Variants in UBE2L3 observed in about 807,000 individuals in gnomAD.
The protein encoded by UBE2L3 is ubiquitin-conjugating enzyme E2 L3.
A neutral mutation model predicts 17.8 loss-of-function variants in UBE2L3; 1 was observed. That is an observed-to-expected ratio of 0.06 (90% CI 0.02 to 0.27). UBE2L3 has a LOEUF of 0.27. UBE2L3 is among the 10% of genes least tolerant of loss of function. The probability of loss-of-function intolerance (pLI) is 1.00; values close to 1 mark genes in which losing one functional copy is unlikely to be tolerated. For missense variants in UBE2L3, 40 were observed against 192.6 expected, an observed-to-expected ratio of 0.21 and a Z score of 4.69; for synonymous variants, 44 against 68.5, an observed-to-expected ratio of 0.64 and a Z score of 1.76.
chr22:21,583,189 A>G (rs1189532475), intron 1 of UBE2L3, among the ~76,000 whole-genome samples: 12 of 152,042 alleles, frequency 7.9e-5, no homozygotes, highest in Admixed American at 2.0e-4. Flanking sequence ...TTTCCCACAC[A>G]TGGACACCTG....
In UBE2L3 at chr22:21,612,643, C is replaced by CTTTTCTTTTTTTT. The variant is rs1929552765; in HGVS notation, c.310+1604_310+1605insCTTTTTTTTTTTT. Among the ~76,000 whole-genome samples, 20 of 52,498 alleles carry CTTTTCTTTTTTTT rather than the reference C, an allele frequency of 3.8e-4. 1 individual carries two copies. Among genetic ancestry groups the CTTTTCTTTTTTTT allele is most frequent in the Non-Finnish European group, 6.3e-4 (17 of 26,850 alleles). 34.4% of individuals were successfully genotyped at this position (52,498 alleles called of 152,430 possible). A position where few individuals can be genotyped will look rare whatever the true frequency, so the allele number is the denominator to read the frequency against. Reference sequence around the variant, plus strand: ...CCCAGCCGATTTTTTCTTTTCTTTTCTTTTTTTTTTTTTTTTTTTTTTTTT... The same window carrying CTTTTCTTTTTTTT: ...CCCAGCCGATTTTTTCTTTTCTTTTCTTTTCTTTTTTTTTTTTTTTTTTTTTTTTTTTTTTTTT... On this transcript the variant is annotated intron_variant, in intron 3 of 3. Transcript: ENST00000342192.
intron 2 of UBE2L3, among the ~76,000 whole-genome samples, chr22:21,609,051 C>T (rs772822481): frequency 1.3e-5 from 2 of 152,200 alleles, no homozygotes; most frequent in Non-Finnish European, 1.5e-5. Context: ...CCCACCACCA[C>T]GTCCAGCTAA....
intron 1 of UBE2L3, among the ~76,000 whole-genome samples, chr22:21,556,876 A>G (rs1390828686): frequency 6.6e-6 from 1 of 152,260 alleles, no homozygotes; most frequent in Non-Finnish European, 1.5e-5. Context: ...CAATATGGTG[A>G]AACCCTGTCT....
At position 21,614,508 on chromosome 22, in the gene UBE2L3, G is replaced by A. The variant is rs375476831; in HGVS notation, c.310+3465G>A. 6.6e-5 allele frequency: 81 copies of A among 1,229,372 alleles called. No homozygotes were observed. In the African/African-American group the frequency reaches 7.6e-4, roughly 11 times the overall value. 76.2% of individuals were successfully genotyped at this position (1,229,372 alleles called of 1,614,324 possible). A position where few individuals can be genotyped will look rare whatever the true frequency, so the allele number is the denominator to read the frequency against. On this transcript the variant is annotated intron_variant, in intron 3 of 3. Transcript: ENST00000342192. The stretch of plus-strand genomic sequence containing the variant: ...TGTAATCTTCCAGCGCTCTTCCTTT[G>A]TCTCCAGAGCACCTGCTCATGATTT...
chr22:21,584,692 A>G (rs1052508838), intron 1 of UBE2L3, among the ~76,000 whole-genome samples: 5 of 149,498 alleles, frequency 3.3e-5, no homozygotes, highest in Non-Finnish European at 5.9e-5. Context: ...TCGGCAACCC[A>G]AAGTGCTGGG....
At chr22:21,620,611 G>A (rs141971269) in intron 3 of UBE2L3, among the ~76,000 whole-genome samples, 7 of 152,234 alleles carry the variant, frequency 4.6e-5, no homozygotes, top group African/African-American at 7.2e-5. Flanking sequence ...CCTGGGGCAC[G>A]TCTGGGCTAC....
At chr22:21,592,281 C>G (rs1317831460) in intron 1 of UBE2L3, among the ~76,000 whole-genome samples, 1 of 152,182 alleles carries the variant, frequency 6.6e-6, no homozygotes, top group South Asian at 2.1e-4. Flanking sequence ...ACTCCCACCC[C>G]AGTCCCAGAC....
chr22:21,617,955 G>A (rs933180413), intron 3 of UBE2L3, among the ~76,000 whole-genome samples: 2 of 151,972 alleles, frequency 1.3e-5, no homozygotes, highest in Non-Finnish European at 2.9e-5. Context: ...GATGAGATGG[G>A]TGGATCATGA....
intron 1 of UBE2L3, among the ~76,000 whole-genome samples, chr22:21,590,669 G>A (rs1043244538): frequency 1.3e-5 from 2 of 151,986 alleles, no homozygotes; most frequent in Non-Finnish European, 2.9e-5. Flanking sequence ...TTTCCTATCT[G>A]TATTTGGTTT....
chr22:21,613,203 C>T (rs368379954), intron 3 of UBE2L3, among the ~76,000 whole-genome samples: 1 of 152,164 alleles, frequency 6.6e-6, no homozygotes, highest in Non-Finnish European at 1.5e-5. Context: ...GATGGATGCA[C>T]GTGCTTTGCC....
chr22:21,606,518 CT>C (rs1163288499), intron 2 of UBE2L3, among the ~76,000 whole-genome samples: 1 of 152,142 alleles, frequency 6.6e-6, no homozygotes, highest in African/African-American at 2.4e-5. Context: ...ATGATGTTTA[CT>C]TACTTCCCCC....
chr22:21,580,338 A>G (rs1406526167), intron 1 of UBE2L3, among the ~76,000 whole-genome samples: 1 of 152,240 alleles, frequency 6.6e-6, no homozygotes, highest in Non-Finnish European at 1.5e-5. Context: ...TATGAATTGT[A>G]AACAGTGCAG....
Position 21,621,911 on chromosome 22 carries a change from C to T in UBE2L3, c.*242C>T. The stretch of plus-strand genomic sequence containing the variant: ...TTGTTTTAAAAATCACTGCTTCAAT[C>T]TACTTCAAAAGAATGGTGTTTCTTT... On this transcript the variant is annotated 3_prime_UTR_variant, in exon 4 of 4. Coordinates refer to ENST00000342192, the MANE Select transcript of UBE2L3 (RefSeq NM_003347.4). 2.3e-6 allele frequency: 1 copy of T among 439,738 alleles called. No individual in the cohort carries two copies. Among genetic ancestry groups the T allele is most frequent in the Non-Finnish European group, 4.0e-6 (1 of 250,832 alleles). The allele number at this position is 439,738 out of a possible 1,614,324, so 27.2% of individuals were successfully genotyped here.
At chr22:21,567,667 C>G (rs751144736), upstream of UBE2L3, 251 of 1,549,800 alleles carry the variant, frequency 1.6e-4, no homozygotes, top group Non-Finnish European at 1.9e-4. Context: ...GCCCCTCCCC[C>G]GCTCCAGGAA....
At chr22:21,570,445 G>T (rs928342740) in intron 1 of UBE2L3, among the ~76,000 whole-genome samples, 4 of 152,164 alleles carry the variant, frequency 2.6e-5, no homozygotes, top group Admixed American at 1.3e-4. Context: ...TATAAATGAG[G>T]ACATTGTGAG....
chr22:21,581,789 T>C (rs1927651726), intron 1 of UBE2L3, among the ~76,000 whole-genome samples: 4 of 139,736 alleles, frequency 2.9e-5, no homozygotes. Context: ...GCAACAATAG[T>C]GTAACTGTCT....
Position 21,581,181 on chromosome 22 carries a change from A to G in UBE2L3, c.28-11680A>G, listed in dbSNP as rs1343080289. Among the ~76,000 whole-genome samples, 5 of 151,952 alleles carry G rather than the reference A, an allele frequency of 3.3e-5. No individual in the cohort carries two copies. In the East Asian group the frequency reaches 5.8e-4, roughly 18 times the overall value. ...ACAATTCTCCCACCTCAGCCCCCCA[A>G]GTAGCTGAAGACTATAGGTGAACAC... On this transcript the variant is annotated intron_variant, in intron 1 of 3. Transcript: ENST00000342192.
chr22:21,563,773 C>T (rs1460927210), upstream of UBE2L3, among the ~76,000 whole-genome samples: 1 of 151,258 alleles, frequency 6.6e-6, no homozygotes, highest in Non-Finnish European at 1.5e-5. Flanking sequence ...GACGGCATTT[C>T]ACTATGTTGG....
chr22:21,564,343 G>T (rs1378277706), upstream of UBE2L3, among the ~76,000 whole-genome samples: 2 of 152,158 alleles, frequency 1.3e-5, no homozygotes, highest in African/African-American at 4.8e-5. Context: ...CTTCTGATGG[G>T]AGGCTTGGGC....
Sources: gnomAD v4.1 joint callset for allele counts (sites outside exome capture counted in the v4.1 genomes callset) on GRCh38, gnomAD v4.1.1 for gene constraint, MANE v1.5 for transcripts, NCBI Gene and HGNC (gene_info 2026-07-23, HGNC 2026-07-21) for gene names.